ANKRD6: variants seen among roughly 807,000 people sequenced by gnomAD.
ANKRD6 encodes the protein ankyrin repeat domain-containing protein 6.
In ANKRD6, 56 loss-of-function variants were observed where a neutral mutation model predicts 82.3. The ratio of observed to expected loss-of-function variants is 0.68; its 90% CI spans 0.55 to 0.85. The LOEUF (loss-of-function observed/expected upper bound fraction) is 0.85, where lower values mean the gene tolerates loss of function less well. Among genes scored for constraint, ANKRD6 ranks in the 40% least tolerant of loss-of-function variants. ANKRD6 has a pLI of 0.00. For missense variants in ANKRD6, 852 were observed against 907.6 expected, an observed-to-expected ratio of 0.94 and a Z score of 0.79; for synonymous variants, 347 against 352.1, an observed-to-expected ratio of 0.99 and a Z score of 0.16.
At chr6:89,570,063 A>ATGTGTGTGTGTG (rs10651458) in intron 2 of ANKRD6, among the ~76,000 whole-genome samples, 2,059 of 148,854 alleles carry the variant, frequency 0.014, 42 homozygotes, top group African/African-American at 0.045. Flanking sequence ...ATGTGTGTAT[A>ATGTGTGTGTGTG]TGTGTGTGTG....
rs1237527074 is a variant in ANKRD6 at position 89,633,784 on chromosome 6, T to TA, written c.*2783dup. On this transcript the variant is annotated 3_prime_UTR_variant, in exon 16 of 16. Transcript: ENST00000339746. ...TTGAATTTGTGTCTCTTCCAAGCAT[T>TA]AAAGATACTATGGATCTTAAATTCC... The TA allele has an allele frequency of 6.6e-6, 1 of 152,232 alleles. No homozygotes were observed. Among genetic ancestry groups the TA allele is most frequent in the African/African-American group, 2.4e-5 (1 of 41,464 alleles). The allele number at this position is 152,232 out of a possible 1,614,324, so 9.4% of individuals were successfully genotyped here. A position where few individuals can be genotyped will look rare whatever the true frequency, so the allele number is the denominator to read the frequency against.
At chr6:89,450,768 T>G (rs1366505710) in intron 1 of ANKRD6, among the ~76,000 whole-genome samples, 1 of 152,010 alleles carries the variant, frequency 6.6e-6, no homozygotes, top group Non-Finnish European at 1.5e-5. Flanking sequence ...CCCAGAGTGC[T>G]GGGGGTTACA....
chr6:89,516,267 CA>C (rs1430099944), intron 1 of ANKRD6, among the ~76,000 whole-genome samples: 1 of 152,124 alleles, frequency 6.6e-6, no homozygotes, highest in East Asian at 1.9e-4. Flanking sequence ...CCTGATGGAA[CA>C]AAAAGGCAGA....
intron 1 of ANKRD6, among the ~76,000 whole-genome samples, chr6:89,473,110 G>A (rs1208827081): frequency 1.3e-5 from 2 of 151,836 alleles, no homozygotes; most frequent in Non-Finnish European, 2.9e-5. Flanking sequence ...ACAGCATATT[G>A]TTTCATTAAA....
intron 3 of ANKRD6, chr6:89,598,312 G>T: frequency 1.0e-6 from 1 of 985,232 alleles, no homozygotes; most frequent in Non-Finnish European, 1.2e-6. Context: ...CATAGCTCCC[G>T]CCTCAGAAAT....
intron 1 of ANKRD6, among the ~76,000 whole-genome samples, chr6:89,534,864 A>G (rs1783630406): frequency 6.6e-6 from 1 of 152,180 alleles, no homozygotes; most frequent in Non-Finnish European, 1.5e-5. Flanking sequence ...AGAGGCAGCT[A>G]TTCCATCTTA....
chr6:89,496,354 A>T (rs1340323196), intron 1 of ANKRD6, among the ~76,000 whole-genome samples: 1 of 152,072 alleles, frequency 6.6e-6, no homozygotes, highest in East Asian at 1.9e-4. Flanking sequence ...ACCAGCTGGG[A>T]TCCTGTTGAT....
At chr6:89,528,791 G>C (rs1300301188) in intron 1 of ANKRD6, among the ~76,000 whole-genome samples, 30 of 152,316 alleles carry the variant, frequency 2.0e-4, no homozygotes, top group Non-Finnish European at 1.5e-5. Context: ...TGTTTAGTAG[G>C]CATGAAAACA....
intron 2 of ANKRD6, among the ~76,000 whole-genome samples, chr6:89,584,867 C>T (rs1583481238): frequency 6.6e-6 from 1 of 152,246 alleles, no homozygotes; most frequent in East Asian, 1.9e-4. Flanking sequence ...CTGGTGAGTG[C>T]TCTCTTCCTA....
intron 1 of ANKRD6, among the ~76,000 whole-genome samples, chr6:89,523,289 A>G (rs1782089237): frequency 6.6e-6 from 1 of 152,194 alleles, no homozygotes; most frequent in Non-Finnish European, 1.5e-5. Flanking sequence ...CTTCATGGGA[A>G]AGGCCAGGGA....
intron 1 of ANKRD6, among the ~76,000 whole-genome samples, chr6:89,441,594 C>CCATAGCCT (rs553857404): frequency 1.3e-5 from 2 of 150,228 alleles, no homozygotes; most frequent in African/African-American, 4.9e-5. Context: ...CTGTGAGTGA[C>CCATAGCCT]CATAGCCTTG....
intron 2 of ANKRD6, among the ~76,000 whole-genome samples, chr6:89,588,146 A>G (rs1246351821): frequency 7.1e-6 from 1 of 139,938 alleles, no homozygotes; most frequent in African/African-American, 2.6e-5. Flanking sequence ...ACTTTTTAAA[A>G]TCTAAACGAG....
chr6:89,448,025 G>A (rs189909461), intron 1 of ANKRD6, among the ~76,000 whole-genome samples: 2 of 151,930 alleles, frequency 1.3e-5, no homozygotes, highest in African/African-American at 4.8e-5. Context: ...ACAAGACAAT[G>A]CTTGGCTTTA....
At chr6:89,490,429 TA>T (rs1777884671) in intron 1 of ANKRD6, among the ~76,000 whole-genome samples, 1 of 152,252 alleles carries the variant, frequency 6.6e-6, no homozygotes, top group African/African-American at 2.4e-5. Context: ...GTGATACAGA[TA>T]GATTCTTTTA....
intron 1 of ANKRD6, among the ~76,000 whole-genome samples, chr6:89,450,656 T>C (rs1772692847): frequency 6.6e-6 from 1 of 151,538 alleles, no homozygotes; most frequent in Non-Finnish European, 1.5e-5. Flanking sequence ...TACCTAGGAC[T>C]ACAAGTCTGC....
At chr6:89,513,719 C>T (rs978555806) in intron 1 of ANKRD6, among the ~76,000 whole-genome samples, 6 of 152,012 alleles carry the variant, frequency 3.9e-5, no homozygotes, top group African/African-American at 1.5e-4. Flanking sequence ...AGAACATAAC[C>T]TAAATATTTT....
At chr6:89,456,733 A>T (rs895295523) in intron 1 of ANKRD6, among the ~76,000 whole-genome samples, 3 of 152,232 alleles carry the variant, frequency 2.0e-5, no homozygotes, top group African/African-American at 7.2e-5. Context: ...CATAAAACAT[A>T]AATTATGGCC....
At chr6:89,564,952 C>T (rs1431958176) in intron 1 of ANKRD6, among the ~76,000 whole-genome samples, 2 of 152,044 alleles carry the variant, frequency 1.3e-5, no homozygotes, top group Non-Finnish European at 2.9e-5. Context: ...AGTGATTTTG[C>T]AATATTTGGG....
intron 1 of ANKRD6, among the ~76,000 whole-genome samples, chr6:89,495,955 G>A (rs1160115278): frequency 2.0e-5 from 3 of 152,082 alleles, no homozygotes; most frequent in Non-Finnish European, 4.4e-5. Flanking sequence ...GTGGCATCAG[G>A]ATTTGGAGTC....
Sources: gnomAD v4.1 joint callset for allele counts (sites outside exome capture counted in the v4.1 genomes callset) on GRCh38, gnomAD v4.1.1 for gene constraint, MANE v1.5 for transcripts, NCBI Gene and HGNC (gene_info 2026-07-23, HGNC 2026-07-21) for gene names.